Variants in CADPS observed in about 807,000 individuals in gnomAD.
The protein encoded by CADPS is calcium-dependent secretion activator 1.
A neutral mutation model predicts 167.3 loss-of-function variants in CADPS; 57 were observed. The ratio of observed to expected loss-of-function variants is 0.34; its 90% CI spans 0.28 to 0.42. The LOEUF (loss-of-function observed/expected upper bound fraction) is 0.42, where lower values mean the gene tolerates loss of function less well. Among genes scored for constraint, CADPS ranks in the 20% least tolerant of loss-of-function variants. The pLI is 1.00. For synonymous variants in CADPS, 676 were observed against 635.3 expected, an observed-to-expected ratio of 1.06 and a Z score of -0.96; for missense variants, 1,414 against 1,738.1, an observed-to-expected ratio of 0.81 and a Z score of 3.32.
intron 8 of CADPS, among the ~76,000 whole-genome samples, chr3:62,571,576 T>A (rs919425815): frequency 4.0e-4 from 61 of 152,270 alleles, no homozygotes; most frequent in African/African-American, 1.2e-3. Context: ...ACTTTTTTTT[T>A]TTTTTGGGAC....
chr3:62,612,078 A>G (rs1003841365), intron 6 of CADPS, among the ~76,000 whole-genome samples: 2 of 152,216 alleles, frequency 1.3e-5, no homozygotes, highest in Admixed American at 1.3e-4. Flanking sequence ...TGAATCATCA[A>G]TTTTGAAATA....
At position 62,601,139 on chromosome 3, in the gene CADPS, T is replaced by C. The variant is rs1329564366; in HGVS notation, c.1326-8391A>G. Among the ~76,000 whole-genome samples the C allele has an allele frequency of 4.6e-5, 7 of 152,226 alleles. No individual in the cohort carries two copies. The highest frequency in any genetic ancestry group is 6.5e-5 in the Admixed American group (1 of 15,282). On this transcript the variant is annotated intron_variant, in intron 6 of 29. Coordinates refer to ENST00000383710, the MANE Select transcript of CADPS (RefSeq NM_003716.4). The surrounding 1 kb of genome is among the most constrained non-coding windows in gnomAD (Gnocchi z 4.3). ...ATGGCCATGGGTATGGGTCTGCTTA[T>C]GTATGGCTCATAAGCTAATAAGGGC... is the stretch of plus-strand genomic sequence containing the variant.
In CADPS at chr3:62,596,339, G is replaced by T. The variant is rs573308575; in HGVS notation, c.1326-3591C>A. Among the ~76,000 whole-genome samples the T allele has an allele frequency of 6.6e-5, 10 of 151,934 alleles. No homozygotes were observed. The East Asian group carries it at 2.0e-3, about 30-fold the overall frequency. ...GCCTCCCAAGTAGCTGGGATTACAG[G>T]TGCCCGCCACCGTGCCCAGCTAATT... On this transcript the variant is annotated intron_variant, in intron 6 of 29. Transcript: ENST00000383710.
rs895465510 is a variant in CADPS, at chr3:62,602,927, T to C, written c.1326-10179A>G. ...ACATGTCCGTCTTGTCACCGGATCT[T>C]TCAAATCCCCTACGTATATCACAAA... On this transcript the variant is annotated intron_variant, in intron 6 of 29. Coordinates refer to ENST00000383710, the MANE Select transcript of CADPS (RefSeq NM_003716.4). The surrounding 1 kb of genome is among the most constrained non-coding windows in gnomAD (Gnocchi z 4.4). Among the ~76,000 whole-genome samples, 6 of 152,182 alleles carry C rather than the reference T, an allele frequency of 3.9e-5. No homozygotes were observed. The highest frequency in any genetic ancestry group is 8.8e-5 in the Non-Finnish European group (6 of 68,036).
chr3:62,793,776 C>A (rs555123308), intron 1 of CADPS, among the ~76,000 whole-genome samples: 1 of 152,132 alleles, frequency 6.6e-6, no homozygotes, highest in Non-Finnish European at 1.5e-5. Flanking sequence ...CGTGTGTGTA[C>A]GTGCGTGCAC....
chr3:62,820,409 C>T (rs1046195853), intron 1 of CADPS, among the ~76,000 whole-genome samples: 2 of 152,148 alleles, frequency 1.3e-5, no homozygotes, highest in African/African-American at 2.4e-5. Flanking sequence ...ACATGACTCT[C>T]CCTCTCATTT....
chr3:62,744,357 T>TC (rs1554139705), intron 3 of CADPS, among the ~76,000 whole-genome samples: 1 of 146,044 alleles, frequency 6.8e-6, no homozygotes, highest in Non-Finnish European at 1.5e-5. Flanking sequence ...ATTCATATTT[T>TC]CAAAAAAAAA....
intron 26 of CADPS, among the ~76,000 whole-genome samples, chr3:62,459,165 G>A (rs1002504125): frequency 1.3e-5 from 2 of 152,142 alleles, no homozygotes; most frequent in Admixed American, 6.5e-5. Context: ...TTTAAAGCGC[G>A]GTGTTTTTTG....
At position 62,417,276 on chromosome 3, in the gene CADPS, C is replaced by CTTTTTTTTTTTTT. The variant is rs11353455; in HGVS notation, c.3778-14104_3778-14092dup. Among the ~76,000 whole-genome samples, 104 of 64,080 alleles carry CTTTTTTTTTTTTT rather than the reference C, an allele frequency of 1.6e-3. 42 individuals carry two copies. The highest frequency in any genetic ancestry group is 1.8e-3 in the Non-Finnish European group (59 of 33,624). The allele number at this position is 64,080 out of a possible 152,430, so 42.0% of individuals were successfully genotyped here. On this transcript the variant is annotated intron_variant, in intron 28 of 29. Transcript: ENST00000383710. Reference sequence around the variant, plus strand: ...ACACAATAACTATTTTTCTTTTACTCTTTTTTTTTTTTTTTTTTTTTTTTT... The same window carrying CTTTTTTTTTTTTT: ...ACACAATAACTATTTTTCTTTTACTCTTTTTTTTTTTTTTTTTTTTTTTTTTTTTTTTTTTTTT...
chr3:62,525,722 T>C (rs2071972857), intron 13 of CADPS, among the ~76,000 whole-genome samples: 1 of 152,006 alleles, frequency 6.6e-6, no homozygotes, highest in Non-Finnish European at 1.5e-5. Context: ...TGTGTCTGTG[T>C]GTCTGTGTAT....
Position 62,753,385 on chromosome 3 carries a change from G to A in CADPS, c.888+56C>T. On this transcript the variant is annotated intron_variant, in intron 3 of 29. Transcript: ENST00000383710. This position sits in a 1 kb window ranked among gnomAD's most constrained non-coding sequence, Gnocchi z 4.6. ...AAAAATCAAGAAGTATCTCATAGAA[G>A]TTGGAATGCAGCTCTGCTTACCCAC... 3 of 1,263,518 alleles carry A rather than the reference G, an allele frequency of 2.4e-6. No individual in the cohort carries two copies. The highest frequency in any genetic ancestry group is 2.8e-5 in the South Asian group (2 of 72,382). The allele number at this position is 1,263,518 out of a possible 1,614,324, so 78.3% of individuals were successfully genotyped here.
intron 7 of CADPS, among the ~76,000 whole-genome samples, chr3:62,587,269 T>C (rs1993149): frequency 0.31 from 47,171 of 152,156 alleles, 7,500 homozygotes; most frequent in South Asian, 0.38. Context: ...TTCACTTAAC[T>C]GGCACCAGAG....
chr3:62,517,711 G>A (rs1331692537), intron 14 of CADPS, among the ~76,000 whole-genome samples: 1 of 152,136 alleles, frequency 6.6e-6, no homozygotes, highest in Non-Finnish European at 1.5e-5. Flanking sequence ...CACCCAGGCT[G>A]ATGCAAGGTT....
chr3:62,754,229 T>C (rs1301011889), intron 2 of CADPS, among the ~76,000 whole-genome samples: 1 of 152,158 alleles, frequency 6.6e-6, no homozygotes, highest in Non-Finnish European at 1.5e-5. Flanking sequence ...GGCTGGACTA[T>C]AGTGACAATC....
chr3:62,784,589 G>A (rs1172062594), intron 1 of CADPS, among the ~76,000 whole-genome samples: 1 of 152,132 alleles, frequency 6.6e-6, no homozygotes, highest in Admixed American at 6.5e-5. Context: ...AAGTATTCTT[G>A]TAGAAGAATC....
In CADPS at chr3:62,585,337, A is replaced by G. The variant is rs374197238; in HGVS notation, c.1438-13T>C. On this transcript the variant is annotated splice_polypyrimidine_tract_variant and intron_variant, in intron 7 of 29. Transcript: ENST00000383710. ...GATGGAGAATAACCTGTAGGGGAAAAAGGACAAGCAACTAGAAAAGAGAAG... is the reference window on the plus strand; with the variant it reads ...GATGGAGAATAACCTGTAGGGGAAAGAGGACAAGCAACTAGAAAAGAGAAG... 3.1e-6 allele frequency: 5 copies of G among 1,592,786 alleles called. No homozygotes were observed. Among genetic ancestry groups the G allele is most frequent in the Non-Finnish European group, 3.4e-6 (4 of 1,173,172 alleles).
intron 27 of CADPS, among the ~76,000 whole-genome samples, chr3:62,443,903 A>G (rs139705684): frequency 7.9e-5 from 12 of 152,290 alleles, no homozygotes; most frequent in African/African-American, 2.9e-4. Flanking sequence ...GGCACCCTGC[A>G]TTTTGATATA....
chr3:62,402,414 A>C (rs185285228), intron 29 of CADPS, among the ~76,000 whole-genome samples: 11 of 152,320 alleles, frequency 7.2e-5, no homozygotes, highest in Admixed American at 6.5e-4. Flanking sequence ...ATAGAAACTG[A>C]AATGATCAAA....
intron 3 of CADPS, among the ~76,000 whole-genome samples, chr3:62,750,332 C>G (rs1169645863): frequency 9.3e-6 from 1 of 107,532 alleles, no homozygotes; most frequent in East Asian, 3.2e-4. Flanking sequence ...CCCTGAGTGA[C>G]AGAGTGAGAC....
Sources: allele counts gnomAD v4.1 joint callset (sites outside exome capture counted in the v4.1 genomes callset), GRCh38; gene constraint gnomAD v4.1.1; non-coding constraint Gnocchi (gnomAD v3.1); transcripts MANE v1.5; gene names NCBI Gene and HGNC (gene_info 2026-07-23, HGNC 2026-07-21).